Variants in MYH15 observed in about 807,000 individuals in gnomAD.
MYH15 encodes the protein myosin heavy chain 15.
In MYH15, 227 loss-of-function variants were observed where a neutral mutation model predicts 240.5. The observed-to-expected ratio is 0.94, with a 90% CI of 0.85 to 1.05. The LOEUF is 1.05. Ranked by LOEUF, MYH15 falls within the 50% of genes least tolerant of loss-of-function variation. The pLI, the probability that MYH15 is intolerant of heterozygous loss-of-function variation, is 0.00. For synonymous variants in MYH15, 785 were observed against 796.7 expected (o/e 0.99, Z 0.25); for missense variants, 2,217 against 2,247.5 (o/e 0.99, Z 0.27).
At chr3:108,534,370 T>C in the MYH15 span, among the ~76,000 whole-genome samples, 1 of 152,208 alleles carries the variant, frequency 6.6e-6, no homozygotes, top group Admixed American at 6.5e-5. Context: ...GTCTCACGAA[T>C]GCTCTATCAA....
intron 14 of MYH15, among the ~76,000 whole-genome samples, chr3:108,466,946 T>G (rs1163512473): frequency 1.3e-5 from 2 of 152,168 alleles, no homozygotes; most frequent in Non-Finnish European, 2.9e-5. Context: ...AACAAATAGT[T>G]GCAAAATAGA....
intron 35 of MYH15, 118 bp from the exon 36 acceptor site, chr3:108,394,274 G>C (rs1318542711): frequency 6.9e-6 from 9 of 1,311,626 alleles, no homozygotes; most frequent in Non-Finnish European, 9.5e-6. Context: ...TTATTATAGT[G>C]AGCCATAGTC....
At chr3:108,414,558 A>T (rs2082619851) in intron 29 of MYH15, 130 bp from the exon 30 acceptor site, 1 of 729,980 alleles carries the variant, frequency 1.4e-6, no homozygotes, top group South Asian at 2.0e-5. Flanking sequence ...ACCTGAACCT[A>T]GTAAGATAAC....
intron 28 of MYH15, among the ~76,000 whole-genome samples, chr3:108,420,314 A>G (rs1005399950): frequency 1.3e-5 from 2 of 152,224 alleles, no homozygotes; most frequent in African/African-American, 4.8e-5. Flanking sequence ...AGATGGAGAC[A>G]AACATATTTA....
At chr3:108,429,480 G>A (rs1008095070) in intron 26 of MYH15, among the ~76,000 whole-genome samples, 5 of 152,050 alleles carry the variant, frequency 3.3e-5, no homozygotes, top group Admixed American at 1.3e-4. Flanking sequence ...CTACTAAAGC[G>A]AGTAGAGATA....
intron 21 of MYH15, among the ~76,000 whole-genome samples, chr3:108,452,348 T>C (rs1355733654): frequency 6.6e-6 from 1 of 151,874 alleles, no homozygotes; most frequent in Non-Finnish European, 1.5e-5. Context: ...CTTATGTATA[T>C]GAATGGGGAG....
chr3:108,547,866 A>G, the MYH15 span, among the ~76,000 whole-genome samples: 1 of 152,190 alleles, frequency 6.6e-6, no homozygotes, highest in Non-Finnish European at 1.5e-5. Flanking sequence ...GAAGAGAAAC[A>G]GCCTATATGC....
intron 16 of MYH15, among the ~76,000 whole-genome samples, chr3:108,461,057 G>A (rs892491996): frequency 6.6e-6 from 1 of 152,104 alleles, no homozygotes; most frequent in African/African-American, 2.4e-5. Flanking sequence ...AAGAACCTGT[G>A]CTAGGCCAAC....
At chr3:108,400,577 A>C (rs1380669002) in intron 33 of MYH15, among the ~76,000 whole-genome samples, 2 of 152,204 alleles carry the variant, frequency 1.3e-5, no homozygotes, top group African/African-American at 4.8e-5. Context: ...CTGTAATCCC[A>C]GCACTTTGGG....
chr3:108,480,061 A>G (rs938971068), intron 11 of MYH15, among the ~76,000 whole-genome samples: 1 of 152,244 alleles, frequency 6.6e-6, no homozygotes, highest in South Asian at 2.1e-4. Context: ...TCAAGAAATT[A>G]TAATCTATGA....
In MYH15 at chr3:108,473,392, G is replaced by T. The variant is rs1576256115; in HGVS notation, c.1234-2545C>A. On this transcript the variant is annotated intron_variant, in intron 12 of 40. Transcript: ENST00000693548. ...TATGTGTAGCTCAGGGTTGTTGTGA[G>T]ATATCCAGTGAGACAGAGGATATAA... Among the ~76,000 whole-genome samples the T allele has an allele frequency of 3.3e-5, 5 of 152,314 alleles. No individual in the cohort carries two copies. In the South Asian group the frequency reaches 1.0e-3, roughly 32 times the overall value.
chr3:108,548,948 T>C, the MYH15 span, among the ~76,000 whole-genome samples: 2 of 152,062 alleles, frequency 1.3e-5, no homozygotes, highest in African/African-American at 4.8e-5. Flanking sequence ...GCATACAGTT[T>C]CATTCTTTTT....
chr3:108,454,134 A>G lies in MYH15; in HGVS notation c.2271T>C (p.Phe757=). 1.9e-6 allele frequency: 3 copies of G among 1,609,348 alleles called. No homozygotes were observed. In the South Asian group the frequency reaches 3.3e-5, roughly 18 times the overall value. ...QYRFGITKVF[F]KAGFLGQLEA... ...CCAGTTGGCCCAGAAACCCAGCTTT[A>G]AAAAACACCTAAAGGAAAAGTCAGA... The change falls in exon 21 of 41, where the codon TTT becomes TTC. Residue 757 remains phenylalanine, a synonymous_variant. Coordinates refer to ENST00000693548, the MANE Select transcript of MYH15 (RefSeq NM_014981.3).
At chr3:108,531,799 A>C (rs139194479), upstream of MYH15, among the ~76,000 whole-genome samples, 150 of 134,158 alleles carry the variant, frequency 1.1e-3, 1 homozygote, top group African/African-American at 3.3e-3. Flanking sequence ...TAAATAAATA[A>C]ATAAATACAT....
chr3:108,462,453 G>GAGA (rs2083079983), intron 16 of MYH15, among the ~76,000 whole-genome samples: 1 of 151,892 alleles, frequency 6.6e-6, no homozygotes, highest in Admixed American at 6.6e-5. Context: ...TTGTTCCTGT[G>GAGA]AGAAGTTAAG....
intron 21 of MYH15, among the ~76,000 whole-genome samples, chr3:108,447,595 A>G (rs1008371980): frequency 2.0e-5 from 3 of 151,682 alleles, no homozygotes; most frequent in Non-Finnish European, 4.4e-5. Context: ...AAAAAAAACT[A>G]AAAACCACCA....
At chr3:108,545,827 T>A in the MYH15 span, among the ~76,000 whole-genome samples, 1 of 152,062 alleles carries the variant, frequency 6.6e-6, no homozygotes, top group Non-Finnish European at 1.5e-5. Flanking sequence ...ATTATATATT[T>A]CAGTAACTTT....
chr3:108,435,571 T>C (rs919880064), intron 25 of MYH15, among the ~76,000 whole-genome samples: 1 of 151,122 alleles, frequency 6.6e-6, no homozygotes, highest in African/African-American at 2.5e-5. Flanking sequence ...GTCTTTTTCC[T>C]TTTTGTGACT....
rs55971936 is a variant in MYH15 at position 108,505,838 on chromosome 3, C to CAAAAA, written c.89-14_89-10dup. 14 of 1,279,002 alleles carry CAAAAA rather than the reference C, an allele frequency of 1.1e-5. No individual in the cohort carries two copies. In the Admixed American group the frequency reaches 1.2e-4, roughly 11 times the overall value. 79.2% of individuals were successfully genotyped at this position (1,279,002 alleles called of 1,614,324 possible). On this transcript the variant is annotated splice_polypyrimidine_tract_variant and intron_variant, in intron 1 of 40. Coordinates refer to ENST00000693548, the MANE Select transcript of MYH15 (RefSeq NM_014981.3). ...CCAGCATTTCTTCTTCCCTGTAGAG[C>CAAAAA]AAAAAAAAAAAAAAATGGATTATAG...
Sources: gnomAD v4.1 joint callset for allele counts (sites outside exome capture counted in the v4.1 genomes callset) on GRCh38, gnomAD v4.1.1 for gene constraint, MANE v1.5 for transcripts, NCBI Gene and HGNC (gene_info 2026-07-23, HGNC 2026-07-21) for gene names.